MCPH1: variants seen among roughly 807,000 people sequenced by gnomAD.
MCPH1 encodes the protein microcephalin 1, also known as microcephalin.
A neutral mutation model predicts 84.5 loss-of-function variants in MCPH1; 104 were observed. That is an observed-to-expected ratio of 1.23 (90% CI 1.05 to 1.45). The LOEUF (loss-of-function observed/expected upper bound fraction) is 1.45, where lower values mean the gene tolerates loss of function less well. Among genes scored for constraint, MCPH1 ranks in the 40% most tolerant of loss-of-function variants. MCPH1 has a pLI of 0.00. For synonymous variants in MCPH1, 514 were observed against 366.8 expected, an observed-to-expected ratio of 1.40 and a Z score of -4.58; for missense variants, 1,498 against 1,005.7, an observed-to-expected ratio of 1.49 and a Z score of -6.62.
chr8:6,455,870 A>G (rs1188235153), intron 9 of MCPH1, among the ~76,000 whole-genome samples: 7 of 152,174 alleles, frequency 4.6e-5, no homozygotes, highest in African/African-American at 1.4e-4. Context: ...AAAAAAGTAT[A>G]ATGTAGTGAA....
intron 13 of MCPH1, among the ~76,000 whole-genome samples, chr8:6,640,983 C>G (rs948861219): frequency 6.6e-6 from 1 of 152,116 alleles, no homozygotes; most frequent in Non-Finnish European, 1.5e-5. Context: ...ATCTGTTTGT[C>G]TATTCTGTGC....
intron 11 of MCPH1, among the ~76,000 whole-genome samples, chr8:6,490,965 A>G (rs926951818): frequency 1.4e-5 from 2 of 143,330 alleles, no homozygotes; most frequent in African/African-American, 5.1e-5. Context: ...TAATGCTATT[A>G]ATCATTAATA....
intron 12 of MCPH1, among the ~76,000 whole-genome samples, chr8:6,591,888 C>T (rs952067044): frequency 2.0e-5 from 3 of 152,088 alleles, no homozygotes; most frequent in Admixed American, 6.6e-5. Context: ...GTAGGTATAT[C>T]GTGTTCACTG....
In MCPH1 at chr8:6,464,505, A is replaced by C. The variant is rs148410890; in HGVS notation, c.1935+9253A>C. Among the ~76,000 whole-genome samples the C allele has an allele frequency of 5.0e-3, 754 of 152,302 alleles. 7 individuals carry two copies. Among genetic ancestry groups the C allele is most frequent in the African/African-American group, 0.017 (695 of 41,548 alleles). Reference sequence around the variant, plus strand: ...TTGTTCACTAACTGATTTTGCATGCATTGTAAATGTGTGGTTCAGAAATTG... The same window carrying C: ...TTGTTCACTAACTGATTTTGCATGCCTTGTAAATGTGTGGTTCAGAAATTG... On this transcript the variant is annotated intron_variant, in intron 9 of 13. Coordinates refer to ENST00000344683, the MANE Select transcript of MCPH1 (RefSeq NM_024596.5).
chr8:6,589,720 G>C (rs1424496939), intron 12 of MCPH1, among the ~76,000 whole-genome samples: 3 of 152,182 alleles, frequency 2.0e-5, no homozygotes, highest in African/African-American at 7.2e-5. Context: ...GTGATCTCAA[G>C]TGTTTCCATG....
chr8:6,496,373 C>T (rs1811226535), intron 11 of MCPH1, among the ~76,000 whole-genome samples: 1 of 152,134 alleles, frequency 6.6e-6, no homozygotes, highest in South Asian at 2.1e-4. Flanking sequence ...ACAGATGAGG[C>T]TTCCTTCACT....
At chr8:6,487,852 G>A (rs892022501) in intron 11 of MCPH1, among the ~76,000 whole-genome samples, 1 of 152,138 alleles carries the variant, frequency 6.6e-6, no homozygotes, top group Admixed American at 6.5e-5. Context: ...GAACATTTTT[G>A]CAGCCGAGAA....
intron 12 of MCPH1, among the ~76,000 whole-genome samples, chr8:6,534,313 G>C (rs1013932873): frequency 6.6e-6 from 1 of 152,136 alleles, no homozygotes; most frequent in African/African-American, 2.4e-5. Flanking sequence ...AAGCAACCTC[G>C]AGATGATTTA....
rs138356697 is a variant in MCPH1 at position 6,527,492 on chromosome 8, A to G, written c.2214+27563A>G. 263 of 1,568,282 alleles carry G rather than the reference A, an allele frequency of 1.7e-4. No individual in the cohort carries two copies. The African/African-American group carries it at 2.8e-3, about 17-fold the overall frequency. ...CCATTCTGATAATTCATCATTTGAG[A>G]CCGACTTTCATATCTGGAAAGTGTG... On this transcript the variant is annotated intron_variant, in intron 12 of 13. Transcript: ENST00000344683.
At chr8:6,589,343 T>G (rs892636273) in intron 12 of MCPH1, among the ~76,000 whole-genome samples, 2 of 152,230 alleles carry the variant, frequency 1.3e-5, no homozygotes, top group Non-Finnish European at 1.5e-5. Flanking sequence ...TGGAGAATAT[T>G]TATATGCTAT....
chr8:6,519,775 T>C, intron 12 of MCPH1: 2 of 1,498,854 alleles, frequency 1.3e-6, no homozygotes, highest in African/African-American at 1.4e-5. Flanking sequence ...GGAAGATCTT[T>C]GGGGAGAGAC....
At chr8:6,501,824 G>T (rs968268735) in intron 12 of MCPH1, 1 of 152,028 alleles carries the variant, frequency 6.6e-6, no homozygotes, top group African/African-American at 2.4e-5. Context: ...CCAATGTACT[G>T]GGATTATAGG....
At position 6,442,641 on chromosome 8, in the gene MCPH1, C is replaced by T. The variant is rs142428898; in HGVS notation, c.670+485C>T. Among the ~76,000 whole-genome samples the T allele has an allele frequency of 1.2e-3, 190 of 152,332 alleles. 3 individuals carry two copies. In the East Asian group the frequency reaches 0.029, roughly 23 times the overall value. On this transcript the variant is annotated intron_variant, in intron 7 of 13. Transcript: ENST00000344683. ...AGTGCAGTTAGTTCCATGTTACGCA[C>T]ATACATGTTTGTAATGTGGGAGCCC...
At chr8:6,427,954 G>T (rs530638104) in intron 3 of MCPH1, among the ~76,000 whole-genome samples, 1 of 151,768 alleles carries the variant, frequency 6.6e-6, no homozygotes, top group Non-Finnish European at 1.5e-5. Context: ...CACCACGCCC[G>T]GCTAATTTTT....
intron 12 of MCPH1, among the ~76,000 whole-genome samples, chr8:6,533,198 T>C (rs953661202): frequency 6.6e-6 from 1 of 152,224 alleles, no homozygotes; most frequent in Non-Finnish European, 1.5e-5. Flanking sequence ...CTGGTTCTTC[T>C]CTCCCTCAGT....
intron 12 of MCPH1, among the ~76,000 whole-genome samples, chr8:6,592,614 C>CTTTTTCTTTT (rs1828560426): frequency 1.5e-5 from 1 of 65,546 alleles, no homozygotes; most frequent in Admixed American, 1.9e-4. Context: ...GTTTTTCTTT[C>CTTTTTCTTTT]TTTTTTTTGT....
chr8:6,409,304 G>C lies in MCPH1; in HGVS notation c.48G>C (p.Trp16Cys), dbSNP rs756634064. ...LKDVVAYVEV[W>C]SSNGTENYSK... ...ATGTAGTGGCCTATGTTGAAGTGTG[G>C]TCATCCAATGGAACAGAAAATTATT... The change falls in exon 2 of 14, where the codon TGG becomes TGC. Residue 16 changes from tryptophan to cysteine, a missense_variant. Coordinates refer to ENST00000344683, the MANE Select transcript of MCPH1 (RefSeq NM_024596.5). 2.5e-6 allele frequency: 4 copies of C among 1,613,826 alleles called. No homozygotes were observed. Among genetic ancestry groups the C allele is most frequent in the Non-Finnish European group, 1.7e-6 (2 of 1,179,890 alleles).
intron 1 of MCPH1, chr8:6,406,941 G>A (rs1797801251): frequency 2.0e-6 from 1 of 510,398 alleles, no homozygotes; most frequent in South Asian, 1.9e-5. Context: ...CGTGCTCCCT[G>A]TCCCCCCAAA....
chr8:6,420,227 C>T (rs1038514574), intron 3 of MCPH1, among the ~76,000 whole-genome samples: 3 of 152,144 alleles, frequency 2.0e-5, no homozygotes, highest in African/African-American at 4.8e-5. Context: ...CCATTCAGAC[C>T]CCTTCCCTGG....
Sources: gnomAD v4.1 joint callset for allele counts (sites outside exome capture counted in the v4.1 genomes callset) on GRCh38, gnomAD v4.1.1 for gene constraint, MANE v1.5 for transcripts, NCBI Gene and HGNC (gene_info 2026-07-23, HGNC 2026-07-21) for gene names.